The following GSDMC variants were observed in gnomAD, a reference collection of about 807,000 sequenced individuals.
The protein encoded by GSDMC is gasdermin-C.
GSDMC carries 59 observed loss-of-function variants against 58.0 expected under a neutral mutation model. The observed-to-expected ratio is 1.02, with a 90% CI of 0.82 to 1.26. GSDMC has a LOEUF of 1.26. GSDMC is among the 50% of genes most tolerant of loss of function. The pLI is 0.00. For missense variants in GSDMC, 659 were observed against 598.5 expected, an observed-to-expected ratio of 1.10 and a Z score of -1.06; for synonymous variants, 241 against 220.2, an observed-to-expected ratio of 1.09 and a Z score of -0.83.
chr8:129,766,193 T>A (rs2033853613), intron 3 of GSDMC, among the ~76,000 whole-genome samples: 1 of 152,170 alleles, frequency 6.6e-6, no homozygotes, highest in Non-Finnish European at 1.5e-5. Flanking sequence ...ACCGAACGTG[T>A]CAATTAGCAC....
chr8:129,768,107 C>G (rs763003551), intron 3 of GSDMC, among the ~76,000 whole-genome samples: 8 of 152,192 alleles, frequency 5.3e-5, no homozygotes, highest in Non-Finnish European at 8.8e-5. Context: ...CCATGGAGCA[C>G]AGCCAGCAGT....
the GSDMC span, among the ~76,000 whole-genome samples, chr8:129,718,614 G>C: frequency 6.6e-6 from 1 of 152,174 alleles, no homozygotes; most frequent in African/African-American, 2.4e-5. Flanking sequence ...CATTGTGGAA[G>C]GCAGTGTGGA....
chr8:129,741,357 G>A, the GSDMC span, among the ~76,000 whole-genome samples: 49,340 of 151,806 alleles, frequency 0.33, 11,609 homozygotes, highest in African/African-American at 0.65. Context: ...GAATTTGGGG[G>A]TTTTTTTCTA....
chr8:129,778,119 G>A (rs192438041), intron 1 of GSDMC, among the ~76,000 whole-genome samples: 1 of 152,300 alleles, frequency 6.6e-6, no homozygotes, highest in East Asian at 1.9e-4. Context: ...GTTGGTGTTT[G>A]CAGTTTTACA....
the GSDMC span, among the ~76,000 whole-genome samples, chr8:129,731,221 C>T: frequency 6.6e-6 from 1 of 152,172 alleles, no homozygotes; most frequent in African/African-American, 2.4e-5. Flanking sequence ...GAAAGAATAT[C>T]CTTGGAAGGG....
chr8:129,719,566 A>G, the GSDMC span, among the ~76,000 whole-genome samples: 1 of 152,230 alleles, frequency 6.6e-6, no homozygotes, highest in Non-Finnish European at 1.5e-5. Context: ...ATATAAGCAT[A>G]ATACACATTT....
At chr8:129,768,975 A>C (rs1332393736) in intron 3 of GSDMC, among the ~76,000 whole-genome samples, 1 of 152,142 alleles carries the variant, frequency 6.6e-6, no homozygotes, top group Non-Finnish European at 1.5e-5. Context: ...CTACTCAGGA[A>C]GCTGAGGTGG....
intron 3 of GSDMC, among the ~76,000 whole-genome samples, chr8:129,766,137 T>C (rs897938767): frequency 6.6e-6 from 1 of 152,224 alleles, no homozygotes; most frequent in Admixed American, 6.5e-5. Context: ...TCCAGATGAT[T>C]GAGAACAGTC....
the GSDMC span, among the ~76,000 whole-genome samples, chr8:129,718,537 T>C: frequency 6.6e-6 from 1 of 152,200 alleles, no homozygotes; most frequent in Admixed American, 6.5e-5. Context: ...AAACAACAGA[T>C]GCTGGAGAGG....
chr8:129,726,684 T>C, the GSDMC span, among the ~76,000 whole-genome samples: 3 of 152,232 alleles, frequency 2.0e-5, no homozygotes, highest in East Asian at 5.8e-4. Flanking sequence ...TTTAAAGTAT[T>C]CCATACTGTG....
chr8:129,738,597 T>C, the GSDMC span, among the ~76,000 whole-genome samples: 16 of 152,146 alleles, frequency 1.1e-4, no homozygotes, highest in East Asian at 3.1e-3. Context: ...TAGGTGGGAA[T>C]TGAACAATGA....
At chr8:129,731,747 C>A in the GSDMC span, among the ~76,000 whole-genome samples, 1 of 152,148 alleles carries the variant, frequency 6.6e-6, no homozygotes, top group African/African-American at 2.4e-5. Context: ...TGTAAAAACA[C>A]CCTCACAGAA....
intron 1 of GSDMC, among the ~76,000 whole-genome samples, chr8:129,782,692 A>C (rs2034448877): frequency 6.6e-6 from 1 of 152,162 alleles, no homozygotes; most frequent in African/African-American, 2.4e-5. Context: ...ATCAATAACA[A>C]GTAATGAGAT....
chr8:129,741,527 C>T, the GSDMC span, among the ~76,000 whole-genome samples: 2 of 152,056 alleles, frequency 1.3e-5, no homozygotes, highest in South Asian at 4.1e-4. Flanking sequence ...CATCAATGCT[C>T]AATCATCAGG....
At chr8:129,735,914 C>T in the GSDMC span, among the ~76,000 whole-genome samples, 2 of 151,904 alleles carry the variant, frequency 1.3e-5, no homozygotes, top group African/African-American at 2.4e-5. Context: ...GCTAGCAAGA[C>T]TAATAAAGTA....
At chr8:129,732,303 A>G in the GSDMC span, among the ~76,000 whole-genome samples, 1 of 150,780 alleles carries the variant, frequency 6.6e-6, no homozygotes, top group Admixed American at 6.6e-5. Context: ...AAAAAAAAAA[A>G]CTTGCTGAAA....
the GSDMC span, among the ~76,000 whole-genome samples, chr8:129,730,764 C>G: frequency 2.6e-5 from 4 of 152,244 alleles, no homozygotes; most frequent in African/African-American, 9.6e-5. Flanking sequence ...TCCAACTTTA[C>G]CGTGGTGTGA....
the GSDMC span, chr8:129,729,735 A>G: frequency 1.8e-6 from 1 of 568,084 alleles, no homozygotes; most frequent in Non-Finnish European, 3.1e-6. Flanking sequence ...GTTGGTTCCG[A>G]GTCTTTGCTA....
At chr8:129,772,022 T>C (rs1223848284) in intron 3 of GSDMC, among the ~76,000 whole-genome samples, 1 of 152,140 alleles carries the variant, frequency 6.6e-6, no homozygotes, top group Non-Finnish European at 1.5e-5. Flanking sequence ...CCCAGCACTT[T>C]AGGAGGCCAA....
Sources: gnomAD v4.1 joint callset for allele counts (sites outside exome capture counted in the v4.1 genomes callset) on GRCh38, gnomAD v4.1.1 for gene constraint, MANE v1.5 for transcripts, NCBI Gene and HGNC (gene_info 2026-07-23, HGNC 2026-07-21) for gene names.